Variants in ASIC2 observed in about 807,000 individuals in gnomAD.
ASIC2 encodes acid sensing ion channel subunit 2, also known as acid-sensing ion channel 2.
ASIC2 carries 25 observed loss-of-function variants against 57.3 expected under a neutral mutation model. The observed-to-expected ratio is 0.44, with a 90% CI of 0.32 to 0.61. The LOEUF is 0.61. Among genes scored for constraint, ASIC2 ranks in the 20% least tolerant of loss-of-function variants. The pLI, the probability that ASIC2 is intolerant of heterozygous loss-of-function variation, is 0.06. For missense variants in ASIC2, 641 were observed against 738.1 expected (o/e 0.87, Z 1.52); for synonymous variants, 319 against 307.5 (o/e 1.04, Z -0.39).
At chr17:33,110,670 G>T (rs1343861581) in intron 2 of ASIC2, among the ~76,000 whole-genome samples, 2 of 152,210 alleles carry the variant, frequency 1.3e-5, no homozygotes, top group Non-Finnish European at 2.9e-5. Context: ...GGAGTTTGCA[G>T]TCAGTCCTCC....
chr17:33,755,920 C>G (rs1910590161), intron 1 of ASIC2, among the ~76,000 whole-genome samples: 1 of 152,186 alleles, frequency 6.6e-6, no homozygotes, highest in African/African-American at 2.4e-5. Context: ...TGCAGGGTGA[C>G]CCCCTCAACA....
intron 1 of ASIC2, among the ~76,000 whole-genome samples, chr17:33,120,120 T>C (rs11650744): frequency 0.11 from 17,481 of 152,252 alleles, 1,109 homozygotes; most frequent in East Asian, 0.24. Flanking sequence ...TCCCTTCTTA[T>C]GTAGGGGTTG....
intron 1 of ASIC2, among the ~76,000 whole-genome samples, chr17:33,328,582 C>T (rs1907173697): frequency 6.6e-6 from 1 of 152,156 alleles, no homozygotes; most frequent in African/African-American, 2.4e-5. Context: ...GACACAACCT[C>T]TTCAGGGGGT....
chr17:34,112,193 A>G (rs1911297336), intron 1 of ASIC2, among the ~76,000 whole-genome samples: 1 of 152,182 alleles, frequency 6.6e-6, no homozygotes, highest in Non-Finnish European at 1.5e-5. Flanking sequence ...GTCTAAATTT[A>G]TGAAACTGAG....
intron 1 of ASIC2, among the ~76,000 whole-genome samples, chr17:33,361,130 G>T (rs1488983531): frequency 6.6e-6 from 1 of 152,186 alleles, no homozygotes; most frequent in Non-Finnish European, 1.5e-5. Flanking sequence ...GGAGGAGCAT[G>T]TAGATAAGGA....
At chr17:33,260,340 C>G (rs541394636) in intron 1 of ASIC2, among the ~76,000 whole-genome samples, 1 of 152,286 alleles carries the variant, frequency 6.6e-6, no homozygotes, top group African/African-American at 2.4e-5. Context: ...AAGATGGCAA[C>G]CAGACGCATG....
chr17:34,103,836 C>G (rs935891340), intron 1 of ASIC2, among the ~76,000 whole-genome samples: 2 of 152,160 alleles, frequency 1.3e-5, no homozygotes, highest in Non-Finnish European at 2.9e-5. Context: ...ATGCCAATAT[C>G]TAACTGTCTT....
At chr17:33,804,033 C>A (rs889736729) in intron 1 of ASIC2, among the ~76,000 whole-genome samples, 4 of 152,174 alleles carry the variant, frequency 2.6e-5, no homozygotes, top group African/African-American at 9.7e-5. Flanking sequence ...AGCAGCCTGT[C>A]TCCATGTTCT....
At chr17:33,255,592 C>T (rs1453666572) in intron 1 of ASIC2, among the ~76,000 whole-genome samples, 17 of 111,582 alleles carry the variant, frequency 1.5e-4, no homozygotes, top group Admixed American at 3.3e-4. Flanking sequence ...GAGGGGGGAT[C>T]GGAGGGACGG....
chr17:33,028,401 C>T lies in ASIC2; in HGVS notation c.988-9G>A. On this transcript the variant is annotated splice_polypyrimidine_tract_variant and intron_variant, in intron 3 of 9. Transcript: ENST00000225823. ...GGGGGCAGGTATGTGAGCTGCAAGA[C>T]AGGAAGGAGGGGGCGGCAGTCAGCC... is the stretch of plus-strand genomic sequence containing the variant. 6.2e-7 allele frequency: 1 copy of T among 1,613,980 alleles called. No homozygotes were observed. Among genetic ancestry groups the T allele is most frequent in the Non-Finnish European group, 8.5e-7 (1 of 1,179,914 alleles).
intron 1 of ASIC2, among the ~76,000 whole-genome samples, chr17:33,528,193 A>G (rs1914945399): frequency 8.6e-5 from 1 of 11,620 alleles, no homozygotes; most frequent in Admixed American, 1.0e-3. Context: ...TGTGGTTTCC[A>G]GCTGTGATCC....
intron 3 of ASIC2, among the ~76,000 whole-genome samples, chr17:33,064,593 G>T (rs1296359403): frequency 6.6e-6 from 1 of 152,228 alleles, no homozygotes; most frequent in Non-Finnish European, 1.5e-5. Flanking sequence ...TGAGGTGTCA[G>T]TCTGCCCCTA....
rs549203166 is a variant in ASIC2 at position 34,049,401 on chromosome 17, G to A, written c.555+106577C>T. Among the ~76,000 whole-genome samples, 10 of 152,254 alleles carry A rather than the reference G, an allele frequency of 6.6e-5. No homozygotes were observed. In the East Asian group the frequency reaches 1.2e-3, roughly 18 times the overall value. On this transcript the variant is annotated intron_variant, in intron 1 of 9. Transcript: ENST00000359872. ...CCTGAGTTGAACTAAGGTCCAAATGGCCCAAGGTTCTGTCTTGTCCCGTTC... is the reference window on the plus strand; with the variant it reads ...CCTGAGTTGAACTAAGGTCCAAATGACCCAAGGTTCTGTCTTGTCCCGTTC...
At chr17:33,293,328 G>C (rs1017918517), upstream of ASIC2, among the ~76,000 whole-genome samples, 1 of 152,098 alleles carries the variant, frequency 6.6e-6, no homozygotes, top group East Asian at 1.9e-4. Context: ...CGTGAGCGCC[G>C]TGCGCTCCTG....
intron 1 of ASIC2, among the ~76,000 whole-genome samples, chr17:33,407,153 T>C (rs1042894672): frequency 1.3e-5 from 2 of 152,222 alleles, no homozygotes; most frequent in East Asian, 1.9e-4. Context: ...ATGATAGCAA[T>C]AGCTGACATT....
At chr17:33,850,882 G>C (rs317405) in intron 1 of ASIC2, among the ~76,000 whole-genome samples, 49,061 of 151,460 alleles carry the variant, frequency 0.32, 8,508 homozygotes, top group East Asian at 0.49. Flanking sequence ...TGCAATCCCA[G>C]CAAAATGACT....
chr17:33,955,685 C>G (rs1904713391), intron 1 of ASIC2, among the ~76,000 whole-genome samples: 1 of 152,194 alleles, frequency 6.6e-6, no homozygotes, highest in African/African-American at 2.4e-5. Flanking sequence ...CTATGTTGAG[C>G]TCAGAGACAC....
At chr17:33,703,436 T>A (rs1046841277) in intron 1 of ASIC2, among the ~76,000 whole-genome samples, 7 of 151,868 alleles carry the variant, frequency 4.6e-5, no homozygotes, top group Non-Finnish European at 7.4e-5. Flanking sequence ...TACTGCAACC[T>A]CTGCCTCCTG....
At chr17:33,957,967 C>T (rs536209023) in intron 1 of ASIC2, among the ~76,000 whole-genome samples, 150 of 152,278 alleles carry the variant, frequency 9.9e-4, no homozygotes, top group South Asian at 3.3e-3. Flanking sequence ...ACACTCATTC[C>T]GAAAGGGAGA....
Sources: gnomAD v4.1 joint callset for allele counts (sites outside exome capture counted in the v4.1 genomes callset) on GRCh38, gnomAD v4.1.1 for gene constraint, MANE v1.5 for transcripts, NCBI Gene and HGNC (gene_info 2026-07-23, HGNC 2026-07-21) for gene names.